CCDC7: variants seen among roughly 807,000 people sequenced by gnomAD.
The protein encoded by CCDC7 is coiled-coil domain containing 7.
A neutral mutation model predicts 196.9 loss-of-function variants in CCDC7; 183 were observed. The ratio of observed to expected loss-of-function variants is 0.93; its 90% CI spans 0.82 to 1.05. The LOEUF (loss-of-function observed/expected upper bound fraction) is 1.05, where lower values mean the gene tolerates loss of function less well. CCDC7 is among the 50% of genes least tolerant of loss of function. CCDC7 has a pLI of 0.00. For synonymous variants in CCDC7, 525 were observed against 484.6 expected (o/e 1.08, Z -1.10); for missense variants, 1,540 against 1,482.2 (o/e 1.04, Z -0.64).
intron 21 of CCDC7, among the ~76,000 whole-genome samples, chr10:32,666,177 G>A (rs7899442): frequency 0.4 from 58,377 of 145,876 alleles, 11,795 homozygotes; most frequent in East Asian, 0.59. Context: ...TAGTCCTTGT[G>A]GTAGTCCTTT....
chr10:32,808,317 A>G (rs2086298266), intron 30 of CCDC7, among the ~76,000 whole-genome samples: 1 of 152,186 alleles, frequency 6.6e-6, no homozygotes, highest in South Asian at 2.1e-4. Flanking sequence ...GGACCTCACA[A>G]TAGGCCCAGA....
chr10:32,508,145 C>G (rs2045506220), intron 9 of CCDC7, among the ~76,000 whole-genome samples: 1 of 152,130 alleles, frequency 6.6e-6, no homozygotes, highest in African/African-American at 2.4e-5. Flanking sequence ...GCTTCCCCCA[C>G]CCCCATCAAA....
chr10:32,692,175 T>G (rs2077165009), intron 23 of CCDC7, among the ~76,000 whole-genome samples: 1 of 152,322 alleles, frequency 6.6e-6, no homozygotes, highest in African/African-American at 2.4e-5. Flanking sequence ...TCCACCATTT[T>G]TAGGGGAGTG....
chr10:32,823,462 A>G (rs1281753583), intron 31 of CCDC7, among the ~76,000 whole-genome samples: 1 of 152,088 alleles, frequency 6.6e-6, no homozygotes, highest in East Asian at 1.9e-4. Context: ...TTTTACAATG[A>G]TGTGTAATCT....
At chr10:32,534,103 C>T (rs1269663299) in intron 11 of CCDC7, among the ~76,000 whole-genome samples, 4 of 151,700 alleles carry the variant, frequency 2.6e-5, no homozygotes, top group Non-Finnish European at 5.9e-5. Flanking sequence ...ATTCTTTCTT[C>T]TTTTTTCTCC....
At chr10:32,562,799 G>A (rs1284727161) in intron 13 of CCDC7, among the ~76,000 whole-genome samples, 2 of 151,988 alleles carry the variant, frequency 1.3e-5, no homozygotes, top group Non-Finnish European at 2.9e-5. Context: ...TTCTGGCCAG[G>A]GCAATTAGGC....
chr10:32,656,631 TG>T (rs1252682890), intron 20 of CCDC7, among the ~76,000 whole-genome samples: 11 of 152,174 alleles, frequency 7.2e-5, no homozygotes, highest in Non-Finnish European at 1.0e-4. Flanking sequence ...CACCTCCCAC[TG>T]GGTCCCTCCC....
chr10:32,854,551 T>C, intron 41 of CCDC7, 62 bp downstream of exon 42: 1 of 1,073,376 alleles, frequency 9.3e-7, no homozygotes, highest in Non-Finnish European at 1.4e-6. Flanking sequence ...TCTCATCGTC[T>C]CTATTTACCA....
At chr10:32,671,513 A>AT (rs1370266023) in intron 21 of CCDC7, among the ~76,000 whole-genome samples, 1 of 151,926 alleles carries the variant, frequency 6.6e-6, no homozygotes, top group East Asian at 1.9e-4. Context: ...ACACATAACT[A>AT]TTTTTTCTAA....
At chr10:32,689,982 G>C (rs902195372) in intron 23 of CCDC7, among the ~76,000 whole-genome samples, 1 of 152,064 alleles carries the variant, frequency 6.6e-6, no homozygotes, top group African/African-American at 2.4e-5. Flanking sequence ...TGATCCACCC[G>C]CCTCGGCCTC....
chr10:32,496,076 T>A (rs2042873427), intron 9 of CCDC7, among the ~76,000 whole-genome samples: 1 of 152,196 alleles, frequency 6.6e-6, no homozygotes, highest in Non-Finnish European at 1.5e-5. Context: ...CCTTGAGCTG[T>A]GGTTTGTAGT....
chr10:32,644,142 G>T (rs1381934449), intron 20 of CCDC7, among the ~76,000 whole-genome samples: 1 of 152,098 alleles, frequency 6.6e-6, no homozygotes, highest in Non-Finnish European at 1.5e-5. Flanking sequence ...ATAGTATAAT[G>T]ATTGAATCAG....
exon 24 of CCDC7, chr10:32,694,897 G>A (rs2077515555): frequency 1.3e-6 from 2 of 1,596,156 alleles, no homozygotes; most frequent in African/African-American, 1.3e-5. Context: ...GAAGAACCAG[G>A]CAAAAATCTT....
chr10:32,689,039 A>T lies in CCDC7; in HGVS notation c.2234-14A>T. ...ATTTGTAATTTAGCGGACTAAACAC[A>T]TCTTTTTCTGTAGCTCCTGATAAAG... is the stretch of plus-strand genomic sequence containing the variant. On this transcript the variant is annotated splice_polypyrimidine_tract_variant and intron_variant, in intron 22 of 41. Coordinates refer to ENST00000639629, the Ensembl canonical transcript of CCDC7. 6.7e-7 allele frequency: 1 copy of T among 1,484,502 alleles called. No individual in the cohort carries two copies. Among genetic ancestry groups the T allele is most frequent in the East Asian group, 2.3e-5 (1 of 44,122 alleles). 92.0% of individuals were successfully genotyped at this position (1,484,502 alleles called of 1,614,324 possible).
chr10:32,729,021 C>A, intron 27 of CCDC7, 24 bp downstream of exon 28: 1 of 1,439,972 alleles, frequency 6.9e-7, no homozygotes, highest in Non-Finnish European at 9.7e-7. Context: ...TTATCGATAA[C>A]TTTAAATTAT....
At chr10:32,541,302 C>T (rs2051386024) in intron 11 of CCDC7, among the ~76,000 whole-genome samples, 1 of 150,474 alleles carries the variant, frequency 6.6e-6, no homozygotes, top group Non-Finnish European at 1.5e-5. Flanking sequence ...AAGGTGCACC[C>T]TCTCACTGAG....
chr10:32,443,471 T>C (rs1388505925), upstream of CCDC7, among the ~76,000 whole-genome samples: 1 of 152,198 alleles, frequency 6.6e-6, no homozygotes, highest in Non-Finnish European at 1.5e-5. Context: ...AAGTCTATGA[T>C]TTAATTTAAA....
chr10:32,710,144 T>C (rs2141872353), intron 24 of CCDC7, among the ~76,000 whole-genome samples: 1 of 152,290 alleles, frequency 6.6e-6, no homozygotes, highest in African/African-American at 2.4e-5. Context: ...GGTTTTATAG[T>C]GACACAGCCC....
chr10:32,744,046 A>G (rs1473408280), intron 28 of CCDC7, among the ~76,000 whole-genome samples: 2 of 151,544 alleles, frequency 1.3e-5, no homozygotes, highest in East Asian at 2.0e-4. Context: ...TAAATGACAA[A>G]TTAATGGGTG....
Sources: gnomAD v4.1 joint callset for allele counts (sites outside exome capture counted in the v4.1 genomes callset) on GRCh38, gnomAD v4.1.1 for gene constraint, MANE v1.5 for transcripts, NCBI Gene and HGNC (gene_info 2026-07-23, HGNC 2026-07-21) for gene names.